RNF180: variants seen among roughly 807,000 people sequenced by gnomAD.
RNF180 encodes the protein E3 ubiquitin-protein ligase RNF180.
A neutral mutation model predicts 59.2 loss-of-function variants in RNF180; 38 were observed. That is an observed-to-expected ratio of 0.64 (90% CI 0.50 to 0.84). The LOEUF is 0.84. RNF180 is among the 40% of genes least tolerant of loss of function. The probability of loss-of-function intolerance (pLI) is 0.00; values close to 1 mark genes in which losing one functional copy is unlikely to be tolerated. For missense variants in RNF180, 705 were observed against 700.9 expected (o/e 1.01, Z -0.07); for synonymous variants, 262 against 240.3 (o/e 1.09, Z -0.84).
Position 64,261,151 on chromosome 5 carries a change from A to T in RNF180, c.1227+43755A>T, listed in dbSNP as rs138981162. Among the ~76,000 whole-genome samples the T allele has an allele frequency of 3.1e-3, 477 of 152,284 alleles. 3 individuals carry two copies. The highest frequency in any genetic ancestry group is 0.011 in the African/African-American group (463 of 41,582). ...TTCTGTTGTAAATCAGAAATCATTCACTGATCATTTGGCATATCATATCTA... is the reference window on the plus strand; with the variant it reads ...TTCTGTTGTAAATCAGAAATCATTCTCTGATCATTTGGCATATCATATCTA... On this transcript the variant is annotated intron_variant, in intron 5 of 7. Transcript: ENST00000389100.
rs1752495121 is a variant in RNF180, at chr5:64,214,273, C to T, written c.947C>T (p.Ala316Val). ...GGAGAATTTCAGTGTGGTCTAGAAGCTGCTTCAGTGTATTCTGACCATACT... is the reference window on the plus strand; with the variant it reads ...GGAGAATTTCAGTGTGGTCTAGAAGTTGCTTCAGTGTATTCTGACCATACT... The part of the protein sequence containing the change: ...RGGEFQCGLE[A>V]ASVYSDHTNT... Residue 316 changes from alanine to valine, a missense_variant, in exon 4 of 8, where the codon GCT becomes GTT. By Grantham distance (64) the Ala-to-Val change is moderately conservative (BLOSUM62 0). Transcript: ENST00000389100. The T allele has an allele frequency of 1.2e-6, 2 of 1,614,042 alleles. No homozygotes were observed. Among genetic ancestry groups the T allele is most frequent in the East Asian group, 4.5e-5 (2 of 44,874 alleles).
intron 7 of RNF180, among the ~76,000 whole-genome samples, chr5:64,333,534 G>T (rs1157608738): frequency 6.6e-6 from 1 of 152,174 alleles, no homozygotes; most frequent in Non-Finnish European, 1.5e-5. Flanking sequence ...AAGAAATCGA[G>T]TCTTAAAGGA....
intron 5 of RNF180, among the ~76,000 whole-genome samples, chr5:64,296,930 G>T (rs1003018704): frequency 5.3e-5 from 8 of 152,102 alleles, no homozygotes; most frequent in African/African-American, 1.4e-4. Context: ...CATTCATCTG[G>T]TTTTTTGGTA....
At chr5:64,267,728 T>C (rs1041904555) in intron 5 of RNF180, among the ~76,000 whole-genome samples, 1 of 152,200 alleles carries the variant, frequency 6.6e-6, no homozygotes, top group African/African-American at 2.4e-5. Flanking sequence ...ATATTAAAAC[T>C]CATGATATAG....
At chr5:64,290,249 T>C (rs1561241769) in intron 5 of RNF180, among the ~76,000 whole-genome samples, 2 of 152,236 alleles carry the variant, frequency 1.3e-5, no homozygotes, top group Non-Finnish European at 2.9e-5. Context: ...GAAAGACTGT[T>C]ATGATTTCAA....
At chr5:64,350,269 T>C (rs1745743116) in intron 7 of RNF180, among the ~76,000 whole-genome samples, 3 of 152,166 alleles carry the variant, frequency 2.0e-5, no homozygotes, top group Admixed American at 2.0e-4. Flanking sequence ...GGTTGTTTTT[T>C]TTCTTGTAAA....
chr5:64,169,009 T>G (rs1749797378), intron 1 of RNF180, among the ~76,000 whole-genome samples: 1 of 152,212 alleles, frequency 6.6e-6, no homozygotes, highest in Non-Finnish European at 1.5e-5. Flanking sequence ...ATCAGATTAC[T>G]TAAGGTTACT....
At chr5:64,283,958 G>C (rs776217583) in intron 5 of RNF180, among the ~76,000 whole-genome samples, 33 of 152,082 alleles carry the variant, frequency 2.2e-4, no homozygotes, top group Non-Finnish European at 3.8e-4. Context: ...AATATCAATG[G>C]TTTATGTACT....
intron 5 of RNF180, among the ~76,000 whole-genome samples, chr5:64,226,359 T>A (rs1241125663): frequency 2.0e-5 from 3 of 152,218 alleles, no homozygotes; most frequent in Non-Finnish European, 4.4e-5. Context: ...TCTATAACCT[T>A]ACCCCCAACC....
intron 5 of RNF180, among the ~76,000 whole-genome samples, chr5:64,289,637 G>GAACGTA (rs1282015712): frequency 6.6e-6 from 1 of 152,072 alleles, no homozygotes; most frequent in East Asian, 1.9e-4. Context: ...ATGTGTCTAG[G>GAACGTA]AACGTATTCA....
At chr5:64,290,078 T>C (rs1335669810) in intron 5 of RNF180, among the ~76,000 whole-genome samples, 1 of 152,238 alleles carries the variant, frequency 6.6e-6, no homozygotes, top group Non-Finnish European at 1.5e-5. Context: ...TTCTGGTATG[T>C]TGTCTCTTTG....
chr5:64,212,262 C>T, intron 3 of RNF180, 102 bp downstream of exon 3: 1 of 685,702 alleles, frequency 1.5e-6, no homozygotes, highest in East Asian at 2.7e-5. Flanking sequence ...CTTGGCCAAC[C>T]TCTTACTGCT....
intron 1 of RNF180, among the ~76,000 whole-genome samples, chr5:64,173,755 A>C (rs1470753244): frequency 7.0e-6 from 1 of 141,902 alleles, no homozygotes. Context: ...TCATTCTGTC[A>C]CCCAGGCTTG....
chr5:64,359,802 T>G (rs992660194), intron 7 of RNF180, among the ~76,000 whole-genome samples: 1 of 152,080 alleles, frequency 6.6e-6, no homozygotes, highest in African/African-American at 2.4e-5. Context: ...CATCTTGAAT[T>G]GATTTTTGTA....
intron 1 of RNF180, among the ~76,000 whole-genome samples, chr5:64,176,332 A>G (rs1412507205): frequency 6.6e-6 from 1 of 151,724 alleles, no homozygotes; most frequent in African/African-American, 2.4e-5. Context: ...TTCATTTCTA[A>G]TTTTATTTGA....
intron 5 of RNF180, among the ~76,000 whole-genome samples, chr5:64,283,276 G>A (rs990552056): frequency 6.6e-6 from 1 of 152,004 alleles, no homozygotes; most frequent in African/African-American, 2.4e-5. Flanking sequence ...GATTGTTGTT[G>A]GTTTAAAGTT....
At chr5:64,242,728 C>G (rs79314599) in intron 5 of RNF180, among the ~76,000 whole-genome samples, 1 of 152,122 alleles carries the variant, frequency 6.6e-6, no homozygotes, top group Non-Finnish European at 1.5e-5. Flanking sequence ...ACAAAGATCT[C>G]GAATCAGATT....
intron 7 of RNF180, among the ~76,000 whole-genome samples, chr5:64,349,466 AC>A (rs1382526230): frequency 6.0e-5 from 9 of 149,250 alleles, no homozygotes; most frequent in African/African-American, 2.2e-4. Flanking sequence ...GTTCTAGGGT[AC>A]ATGTGCACAA....
rs986326587 is a variant in RNF180 at position 64,371,286 on chromosome 5, T to C, written c.*1472T>C. 11 of 151,568 alleles carry C rather than the reference T, an allele frequency of 7.3e-5. No homozygotes were observed. The highest frequency in any genetic ancestry group is 1.3e-4 in the Non-Finnish European group (9 of 67,676). 9.4% of individuals were successfully genotyped at this position (151,568 alleles called of 1,614,324 possible). On this transcript the variant is annotated 3_prime_UTR_variant, in exon 8 of 8. Coordinates refer to ENST00000389100, the MANE Select transcript of RNF180 (RefSeq NM_001113561.2). ...TATACTTATAAATGGATATTTATAA[T>C]TACTAATTGCTCAAAGTAAACATAA...
Sources: allele counts gnomAD v4.1 joint callset (sites outside exome capture counted in the v4.1 genomes callset), GRCh38; gene constraint gnomAD v4.1.1; transcripts MANE v1.5; gene names NCBI Gene and HGNC (gene_info 2026-07-23, HGNC 2026-07-21).